The following SBF2 variants were observed in gnomAD, a reference collection of about 807,000 sequenced individuals.
SBF2 encodes myotubularin-related protein 13.
Under a neutral mutation model 225.2 loss-of-function variants are expected in SBF2, and 112 were observed. That is an observed-to-expected ratio of 0.50 (90% CI 0.43 to 0.58). SBF2 has a LOEUF of 0.58. Ranked by LOEUF, SBF2 falls within the 20% of genes least tolerant of loss-of-function variation. The pLI is 0.00. For synonymous variants in SBF2, 763 were observed against 773.3 expected (o/e 0.99, Z 0.22); for missense variants, 1,996 against 2,206.2 (o/e 0.90, Z 1.91).
chr11:9,901,597 G>T (rs1280638419), intron 16 of SBF2, among the ~76,000 whole-genome samples: 6 of 152,162 alleles, frequency 3.9e-5, no homozygotes, highest in Admixed American at 3.9e-4. Flanking sequence ...GCCATGCAAG[G>T]CAGGGGTTAA....
intron 22 of SBF2, 60 bp from the exon 23 acceptor site, chr11:9,847,143 C>A: frequency 6.3e-7 from 1 of 1,579,770 alleles, no homozygotes; most frequent in Non-Finnish European, 8.7e-7. Context: ...TTTAGAGTGT[C>A]TACTGCTTAC....
At chr11:10,146,240 C>G (rs1031750626) in intron 2 of SBF2, among the ~76,000 whole-genome samples, 1 of 151,938 alleles carries the variant, frequency 6.6e-6, no homozygotes, top group African/African-American at 2.4e-5. Flanking sequence ...TCATATGGAA[C>G]CAAAAAAGGG....
intron 16 of SBF2, among the ~76,000 whole-genome samples, chr11:9,903,968 A>G (rs1481422416): frequency 1.3e-5 from 2 of 151,598 alleles, no homozygotes; most frequent in Admixed American, 1.3e-4. Context: ...CAGGAAATGG[A>G]CTCTCCCTGG....
chr11:10,006,675 T>G (rs567174429), intron 6 of SBF2, among the ~76,000 whole-genome samples: 1 of 152,310 alleles, frequency 6.6e-6, no homozygotes, highest in South Asian at 2.1e-4. Flanking sequence ...ATGCTGTTTT[T>G]GGAAGCATAA....
intron 1 of SBF2, among the ~76,000 whole-genome samples, chr11:10,248,171 G>A (rs1959992071): frequency 6.6e-6 from 1 of 152,160 alleles, no homozygotes; most frequent in Admixed American, 6.5e-5. Context: ...AGGTATTAAA[G>A]AAAAGAGATT....
At chr11:9,844,909 A>C (rs1856429017) in intron 24 of SBF2, among the ~76,000 whole-genome samples, 1 of 152,194 alleles carries the variant, frequency 6.6e-6, no homozygotes, top group South Asian at 2.1e-4. Flanking sequence ...AAGTATAATA[A>C]ATAAATTTAA....
chr11:9,917,039 CAT>C lies in SBF2; in HGVS notation c.1861-21030_1861-21029del, dbSNP rs535763677. ...AACCTCTGTACCATTTAAGATTACA[CAT>C]GTGTTCTTTTTTTTATTTTCATTTA... On this transcript the variant is annotated intron_variant, in intron 16 of 39. Coordinates refer to ENST00000256190, the MANE Select transcript of SBF2 (RefSeq NM_030962.4). Among the ~76,000 whole-genome samples the C allele has an allele frequency of 1.2e-3, 186 of 150,808 alleles. 4 individuals carry two copies. The highest frequency in any genetic ancestry group is 7.3e-3 in the South Asian group (35 of 4,764).
chr11:9,787,416 A>ATAAG (rs1661704526), intron 36 of SBF2, among the ~76,000 whole-genome samples: 1 of 152,188 alleles, frequency 6.6e-6, no homozygotes, highest in African/African-American at 2.4e-5. Context: ...GTGCTGAGAC[A>ATAAG]TAAGTATTAT....
intron 1 of SBF2, among the ~76,000 whole-genome samples, chr11:10,267,707 G>A (rs932761265): frequency 2.0e-5 from 3 of 152,066 alleles, no homozygotes; most frequent in South Asian, 2.1e-4. Context: ...ATACAAACCC[G>A]AAACTGTCTA....
chr11:9,802,097 TAAAG>T (rs1415201106), intron 32 of SBF2, among the ~76,000 whole-genome samples: 1 of 152,214 alleles, frequency 6.6e-6, no homozygotes, highest in Non-Finnish European at 1.5e-5. Flanking sequence ...AATGCCGAAA[TAAAG>T]GGGATGCTTT....
At chr11:9,881,628 C>T (rs943273977) in intron 17 of SBF2, among the ~76,000 whole-genome samples, 1 of 152,058 alleles carries the variant, frequency 6.6e-6, no homozygotes, top group Admixed American at 6.6e-5. Flanking sequence ...GCCCAGAGTT[C>T]AGCTGCAAGG....
chr11:10,002,616 G>C lies in SBF2; in HGVS notation c.693C>G (p.Phe231Leu). Reference sequence around the variant, plus strand: ...CTCTACAAGCATCACTAAGTCTCTGGAAACTTGCAGAATGGAAGAGAACCT... The same window carrying C: ...CTCTACAAGCATCACTAAGTCTCTGCAAACTTGCAGAATGGAAGAGAACCT... ...ENKVLFHSAS[F>L]QRLSDACRAL... Residue 231 changes from phenylalanine to leucine, a missense_variant, in exon 7 of 40, where the codon TTC becomes TTG. Coordinates refer to ENST00000256190, the MANE Select transcript of SBF2 (RefSeq NM_030962.4). 1 of 1,612,864 alleles carries C rather than the reference G, an allele frequency of 6.2e-7. No homozygotes were observed. The highest frequency in any genetic ancestry group is 8.5e-7 in the Non-Finnish European group (1 of 1,178,930).
intron 2 of SBF2, among the ~76,000 whole-genome samples, chr11:10,093,853 G>C (rs917826828): frequency 6.6e-6 from 1 of 152,138 alleles, no homozygotes; most frequent in African/African-American, 2.4e-5. Flanking sequence ...CAACATTCTT[G>C]TCACAAATAA....
chr11:10,170,596 TA>T (rs1203547546), intron 2 of SBF2, among the ~76,000 whole-genome samples: 1 of 151,938 alleles, frequency 6.6e-6, no homozygotes, highest in Non-Finnish European at 1.5e-5. Flanking sequence ...TTTTTATTTT[TA>T]TTTTTTTGCT....
chr11:9,958,600 C>T (rs1317151688), intron 16 of SBF2: 7 of 210,876 alleles, frequency 3.3e-5, no homozygotes, highest in East Asian at 1.4e-4. Flanking sequence ...CCTCCTGATC[C>T]GCCCGCCTCG....
chr11:10,094,688 G>C (rs1951943128), intron 2 of SBF2, among the ~76,000 whole-genome samples: 1 of 151,798 alleles, frequency 6.6e-6, no homozygotes, highest in African/African-American at 2.4e-5. Flanking sequence ...TTTTTTAGTA[G>C]AGACGGGGTT....
chr11:9,778,931 C>A lies in SBF2; in HGVS notation c.*1487G>T, dbSNP rs548644898. Reference sequence around the variant, plus strand: ...AAGGTACAATGGGCTCCATATTTTACAAAGTACAAAAAATTATTTCATATA... The same window carrying A: ...AAGGTACAATGGGCTCCATATTTTAAAAAGTACAAAAAATTATTTCATATA... On this transcript the variant is annotated 3_prime_UTR_variant, in exon 40 of 40. Coordinates refer to ENST00000256190, the MANE Select transcript of SBF2 (RefSeq NM_030962.4). The A allele has an allele frequency of 3.9e-5, 6 of 152,550 alleles. No individual in the cohort carries two copies. The highest frequency in any genetic ancestry group is 1.4e-4 in the African/African-American group (6 of 41,420). 9.4% of individuals were successfully genotyped at this position (152,550 alleles called of 1,614,324 possible).
At chr11:9,793,441 G>C (rs978523925) in intron 33 of SBF2, among the ~76,000 whole-genome samples, 3 of 152,126 alleles carry the variant, frequency 2.0e-5, no homozygotes, top group Non-Finnish European at 4.4e-5. Context: ...CCAGGCTGGA[G>C]TGCACTGGTG....
chr11:10,042,994 G>GA lies in SBF2; in HGVS notation c.142-14dup, dbSNP rs530695547. On this transcript the variant is annotated splice_polypyrimidine_tract_variant and intron_variant, in intron 2 of 39. Transcript: ENST00000256190. ...CAGGCTGACAAAACTAAATGAAATA[G>GA]AAAAAAAAATGTAACATTTAAAAAC... 1.0e-3 allele frequency: 1,605 copies of GA among 1,585,066 alleles called. 5 individuals are homozygous for GA. In the African/African-American group the frequency reaches 0.012, roughly 12 times the overall value.
Sources: gnomAD v4.1 joint callset for allele counts (sites outside exome capture counted in the v4.1 genomes callset) on GRCh38, gnomAD v4.1.1 for gene constraint, MANE v1.5 for transcripts, NCBI Gene and HGNC (gene_info 2026-07-23, HGNC 2026-07-21) for gene names.